Variants in EYS observed in about 807,000 individuals in gnomAD.
EYS encodes the protein protein eyes shut homolog.
EYS carries 250 observed loss-of-function variants against 282.1 expected under a neutral mutation model. That is an observed-to-expected ratio of 0.89 (90% confidence interval 0.80 to 0.98). The LOEUF is 0.98. Among genes scored for constraint, EYS ranks in the 50% least tolerant of loss-of-function variants. The pLI is 0.00. For synonymous variants in EYS, 1,355 were observed against 1,282.9 expected (o/e 1.06, Z -1.20); for missense variants, 4,016 against 3,709.0 (o/e 1.08, Z -2.15).
rs374407271 is a variant in EYS, at chr6:63,984,537, G to T, written c.6901C>A (p.Pro2301Thr). ...ATGCAGCCCCTGAACCCATAAACAG[G>T]ACCTGCTTTCTTATGAATTTGAACA... ...ANVQIHKKAG[P>T]VYGFRGCILD... Residue 2301 changes from proline (P) to threonine (T), a missense_variant, in exon 35 of 43, where the codon CCT becomes ACT. Physicochemically the swap from Pro to Thr is conservative, Grantham distance 38 (BLOSUM62 -1). Coordinates refer to ENST00000503581, the MANE Select transcript of EYS (RefSeq NM_001142800.2). The T allele has an allele frequency of 6.5e-7, 1 of 1,549,552 alleles. No homozygotes were observed. Among genetic ancestry groups the T allele is most frequent in the African/African-American group, 1.4e-5 (1 of 72,804 alleles).
chr6:64,561,171 T>C (rs922885658), intron 26 of EYS, among the ~76,000 whole-genome samples: 9 of 152,150 alleles, frequency 5.9e-5, no homozygotes, highest in African/African-American at 2.2e-4. Flanking sequence ...TGAAGGAATA[T>C]ACTTCAAAAT....
Position 64,641,912 on chromosome 6 carries a change from C to T in EYS, c.3444-15667G>A, listed in dbSNP as rs145590318. Among the ~76,000 whole-genome samples, 3 of 152,276 alleles carry T rather than the reference C, an allele frequency of 2.0e-5. No individual in the cohort carries two copies. In the East Asian group the frequency reaches 5.8e-4, roughly 29 times the overall value. The stretch of plus-strand genomic sequence containing the variant: ...ATCTGAGGTAGAACAGTTTTATCCC[C>T]ACACAACTACTCCTTCCTCCCATAT... On this transcript the variant is annotated intron_variant, in intron 22 of 42. Coordinates refer to ENST00000503581, the MANE Select transcript of EYS (RefSeq NM_001142800.2).
intron 28 of EYS, among the ~76,000 whole-genome samples, chr6:64,421,922 G>C (rs1282736726): frequency 7.1e-6 from 1 of 140,214 alleles, no homozygotes; most frequent in African/African-American, 2.6e-5. Flanking sequence ...TCTCAAACAG[G>C]GATTGTGATT....
intron 31 of EYS, among the ~76,000 whole-genome samples, chr6:64,199,107 A>C (rs1292727688): frequency 6.6e-6 from 1 of 152,138 alleles, no homozygotes; most frequent in Non-Finnish European, 1.5e-5. Context: ...TATGGAACCA[A>C]AAAAGAGCCC....
chr6:65,027,896 C>A (rs866676056), intron 13 of EYS, among the ~76,000 whole-genome samples: 1 of 152,082 alleles, frequency 6.6e-6, no homozygotes, highest in African/African-American at 2.4e-5. Flanking sequence ...GCATATATAA[C>A]AAAATCTTTA....
At position 64,993,179 on chromosome 6, in the gene EYS, T is replaced by A. The variant is rs141016089; in HGVS notation, c.2259+4403A>T. On this transcript the variant is annotated intron_variant, in intron 14 of 42. Coordinates refer to ENST00000503581, the MANE Select transcript of EYS (RefSeq NM_001142800.2). ...ATCCCAAGGGAAGGAAATAAGCGAC[T>A]CTCAAATAATTGACATGTACCACAT... Among the ~76,000 whole-genome samples the A allele has an allele frequency of 2.2e-3, 332 of 152,202 alleles. 1 individual carries two copies. Among genetic ancestry groups the A allele is most frequent in the African/African-American group, 7.5e-3 (313 of 41,548 alleles).
chr6:63,755,403 T>C (rs1769452873), intron 41 of EYS, among the ~76,000 whole-genome samples: 1 of 152,230 alleles, frequency 6.6e-6, no homozygotes, highest in African/African-American at 2.4e-5. Flanking sequence ...TCCCCATTGC[T>C]TGTTTTTGTC....
chr6:64,276,497 T>C (rs1458605015), intron 30 of EYS, among the ~76,000 whole-genome samples: 1 of 152,200 alleles, frequency 6.6e-6, no homozygotes, highest in Non-Finnish European at 1.5e-5. Flanking sequence ...CAATGAGGGA[T>C]ACTGCTACTC....
intron 31 of EYS, among the ~76,000 whole-genome samples, chr6:64,207,353 A>C (rs1765640727): frequency 6.6e-6 from 1 of 152,016 alleles, no homozygotes; most frequent in Non-Finnish European, 1.5e-5. Flanking sequence ...TGGCCTTCCA[A>C]GGCTCCAGAA....
intron 1 of EYS, among the ~76,000 whole-genome samples, chr6:65,654,488 A>G (rs1460551543): frequency 1.3e-5 from 2 of 151,840 alleles, no homozygotes; most frequent in East Asian, 1.9e-4. Context: ...CTTTTCCAGC[A>G]TCTGAGGTAA....
intron 12 of EYS, among the ~76,000 whole-genome samples, chr6:65,072,028 C>T (rs1458246964): frequency 6.6e-6 from 1 of 151,694 alleles, no homozygotes; most frequent in African/African-American, 2.4e-5. Context: ...TATAAATTAC[C>T]CAGTCTTAAG....
At chr6:64,895,623 A>G (rs73452679) in intron 18 of EYS, among the ~76,000 whole-genome samples, 2,194 of 152,346 alleles carry the variant, frequency 0.014, 60 homozygotes, top group African/African-American at 0.049. Context: ...GCAACAGAAC[A>G]GCAATAGAGA....
At chr6:63,847,839 T>G (rs1772139233) in intron 36 of EYS, among the ~76,000 whole-genome samples, 1 of 152,220 alleles carries the variant, frequency 6.6e-6, no homozygotes, top group Non-Finnish European at 1.5e-5. Context: ...AAGATTCATA[T>G]TAAATGATTT....
intron 2 of EYS, among the ~76,000 whole-genome samples, chr6:65,556,506 T>C (rs758713389): frequency 2.6e-5 from 4 of 152,050 alleles, no homozygotes; most frequent in African/African-American, 4.8e-5. Context: ...AAAGTCCATG[T>C]AAGAGAGATA....
chr6:65,360,360 T>A (rs1407529124), intron 8 of EYS, among the ~76,000 whole-genome samples: 1 of 151,876 alleles, frequency 6.6e-6, no homozygotes, highest in Non-Finnish European at 1.5e-5. Flanking sequence ...CAATAGTAAT[T>A]ATATTATTTA....
At chr6:64,314,194 CAAAAAAAAAAAAAAAA>C (rs138447983) in intron 29 of EYS, among the ~76,000 whole-genome samples, 2 of 27,664 alleles carry the variant, frequency 7.2e-5, no homozygotes, top group Non-Finnish European at 1.2e-4. Context: ...AAATGGAAAG[CAAAAAAAAAAAAAAAA>C]AAAAAAAAGC....
chr6:64,660,047 C>T (rs1195813220), intron 22 of EYS, among the ~76,000 whole-genome samples: 1 of 152,102 alleles, frequency 6.6e-6, no homozygotes, highest in Admixed American at 6.6e-5. Flanking sequence ...TATGATCAAG[C>T]AGGCTTCATC....
chr6:65,560,549 A>G (rs1272101609), intron 2 of EYS, among the ~76,000 whole-genome samples: 1 of 151,408 alleles, frequency 6.6e-6, no homozygotes, highest in Non-Finnish European at 1.5e-5. Context: ...TTTAAGCAAG[A>G]CTTTTACTCA....
intron 31 of EYS, among the ~76,000 whole-genome samples, chr6:64,163,623 T>A (rs1353432625): frequency 6.6e-6 from 1 of 152,146 alleles, no homozygotes; most frequent in Non-Finnish European, 1.5e-5. Context: ...AAGAATGTCA[T>A]GCATAAATGG....
Sources: gnomAD v4.1 joint callset for allele counts (sites outside exome capture counted in the v4.1 genomes callset) on GRCh38, gnomAD v4.1.1 for gene constraint, MANE v1.5 for transcripts, NCBI Gene and HGNC (gene_info 2026-07-23, HGNC 2026-07-21) for gene names.